SCN7A: variants seen among roughly 807,000 people sequenced by gnomAD.
SCN7A encodes sodium channel protein type 7 subunit alpha.
SCN7A carries 138 observed loss-of-function variants against 155.2 expected under a neutral mutation model. The observed-to-expected ratio is 0.89, with a 90% CI of 0.77 to 1.02. SCN7A has a LOEUF of 1.02. Ranked by LOEUF, SCN7A falls within the 50% of genes least tolerant of loss-of-function variation. The probability of loss-of-function intolerance (pLI) is 0.00; values close to 1 mark genes in which losing one functional copy is unlikely to be tolerated. For missense variants in SCN7A, 2,058 were observed against 1,986.6 expected, an observed-to-expected ratio of 1.04 and a Z score of -0.68; for synonymous variants, 693 against 649.0, an observed-to-expected ratio of 1.07 and a Z score of -1.03.
chr2:166,428,018 G>T, intron 17 of SCN7A, 76 bp from the exon 18 acceptor site: 1 of 1,342,084 alleles, frequency 7.5e-7, no homozygotes, highest in Admixed American at 2.0e-5. Flanking sequence ...TTTCTACTAT[G>T]TGCCACAGCA....
intron 7 of SCN7A, among the ~76,000 whole-genome samples, chr2:166,466,295 C>T (rs1288503269): frequency 6.6e-6 from 1 of 151,988 alleles, no homozygotes; most frequent in Middle Eastern, 3.2e-3. Context: ...ATACTAACCT[C>T]CAGTGTTTGC....
chr2:166,425,984 G>T (rs1701614951), intron 18 of SCN7A, among the ~76,000 whole-genome samples: 1 of 152,010 alleles, frequency 6.6e-6, no homozygotes, highest in East Asian at 1.9e-4. Context: ...AGCACCACAG[G>T]AGTTAACATC....
chr2:166,439,055 G>GTGTGTGTGTATATATATATATA (rs375208870), intron 15 of SCN7A, among the ~76,000 whole-genome samples: 3 of 113,412 alleles, frequency 2.6e-5, no homozygotes, highest in African/African-American at 1.1e-4. Context: ...GTGTGTGTGT[G>GTGTGTGTGTATATATATATATA]TATATATATA....
chr2:166,405,351 A>C lies in SCN7A; in HGVS notation c.*229T>G, dbSNP rs1701044028. ...GAGAAAACAAATATGAGATTGTCAA[A>C]TGGCCACTTTAACCCACTTTAAACT... On this transcript the variant is annotated 3_prime_UTR_variant, in exon 26 of 26. Transcript: ENST00000643258. The C allele has an allele frequency of 4.4e-6, 2 of 452,704 alleles. No individual in the cohort carries two copies. The highest frequency in any genetic ancestry group is 7.7e-6 in the Non-Finnish European group (2 of 259,482). 28.0% of individuals were successfully genotyped at this position (452,704 alleles called of 1,614,324 possible).
In SCN7A at chr2:166,405,845, AC is replaced by A; in HGVS notation, c.4783del (p.Val1595LeufsTer5). 6.2e-7 allele frequency: 1 copy of A among 1,613,142 alleles called. No individual in the cohort carries two copies. Among genetic ancestry groups the A allele is most frequent in the East Asian group, 2.2e-5 (1 of 44,840 alleles). ...AAACCCTGATTCTATTTCTGAAACA[AC>A]TTTCTCCATCCTCACATCTTGACCC... Reference protein sequence around the residue: ...VMGQDVRMEKVVSEIESGFLL... With the variant: ...VMGQDVRMEKXVSEIESGFLL... On this transcript the variant is annotated frameshift_variant, in exon 26 of 26. Transcript: ENST00000643258. LOFTEE classifies it low-confidence loss of function (END_TRUNC).
intron 22 of SCN7A, 96 bp from the exon 23 acceptor site, chr2:166,412,763 TG>T: frequency 2.8e-6 from 4 of 1,413,930 alleles, no homozygotes; most frequent in South Asian, 3.2e-5. Flanking sequence ...AAACAAGCAT[TG>T]TTATGCTACC....
chr2:166,455,580 A>C (rs996443917), intron 11 of SCN7A, among the ~76,000 whole-genome samples: 1 of 152,038 alleles, frequency 6.6e-6, no homozygotes, highest in Non-Finnish European at 1.5e-5. Flanking sequence ...GGGCTGAAAA[A>C]CTGCTTGTTG....
intron 10 of SCN7A, among the ~76,000 whole-genome samples, chr2:166,458,501 A>G (rs1012861297): frequency 1.3e-5 from 2 of 152,192 alleles, no homozygotes; most frequent in East Asian, 1.9e-4. Flanking sequence ...TATGAACAAT[A>G]TAGTGTAACA....
chr2:166,450,054 G>A (rs1702144290), intron 11 of SCN7A, among the ~76,000 whole-genome samples: 1 of 152,090 alleles, frequency 6.6e-6, no homozygotes, highest in African/African-American at 2.4e-5. Context: ...GCAAGGACAA[G>A]GGATCAATCC....
intron 23 of SCN7A, 148 bp from the exon 24 acceptor site, chr2:166,410,472 G>T: frequency 1.7e-6 from 1 of 583,704 alleles, no homozygotes; most frequent in South Asian, 2.5e-5. Context: ...GTTTGAACAT[G>T]TCTGACTTTC....
intron 1 of SCN7A, among the ~76,000 whole-genome samples, chr2:166,491,917 G>A (rs1475272505): frequency 6.6e-6 from 1 of 152,036 alleles, no homozygotes; most frequent in Non-Finnish European, 1.5e-5. Context: ...TAGATGGTGA[G>A]TCAATCTCTG....
At chr2:166,435,825 G>A (rs1701827845) in intron 15 of SCN7A, among the ~76,000 whole-genome samples, 1 of 151,558 alleles carries the variant, frequency 6.6e-6, no homozygotes, top group African/African-American at 2.4e-5. Context: ...CTCAGTGTTT[G>A]GTTTATGTAA....
At position 166,406,107 on chromosome 2, in the gene SCN7A, T is replaced by C; in HGVS notation, c.4522A>G (p.Lys1508Glu). 6.2e-7 allele frequency: 1 copy of C among 1,612,192 alleles called. No individual in the cohort carries two copies. The highest frequency in any genetic ancestry group is 8.5e-7 in the Non-Finnish European group (1 of 1,178,952). Residue 1508 changes from lysine to glutamate, a missense_variant, in exon 26 of 26, where the codon AAG (lysine) becomes GAG (glutamate). Coordinates refer to ENST00000643258, the MANE Select transcript of SCN7A (RefSeq NM_002976.4). ...CTAAAATCATCTTCACTCAAGGTCT[T>C]GTTTTTCTTCTTAGAAGCAATATTT... ...FLNIASKKKN[K>E]TLSEDDFRKF...
At chr2:166,412,948 G>T in intron 22 of SCN7A, 120 bp downstream of exon 22, 1 of 880,140 alleles carries the variant, frequency 1.1e-6, no homozygotes. Flanking sequence ...CATTGCCAAT[G>T]AAATATCCAA....
At chr2:166,443,063 C>A (rs951122909) in intron 14 of SCN7A, among the ~76,000 whole-genome samples, 3 of 152,080 alleles carry the variant, frequency 2.0e-5, no homozygotes, top group African/African-American at 7.2e-5. Flanking sequence ...CTCACCATTA[C>A]CCTACCCCAT....
intron 25 of SCN7A, among the ~76,000 whole-genome samples, chr2:166,408,152 T>C (rs752639359): frequency 3.3e-5 from 5 of 152,016 alleles, no homozygotes; most frequent in Admixed American, 6.6e-5. Flanking sequence ...TGATTTCTGG[T>C]CACTTTTCCT....
At chr2:166,452,917 C>A (rs6734499) in intron 11 of SCN7A, among the ~76,000 whole-genome samples, 4 of 152,002 alleles carry the variant, frequency 2.6e-5, no homozygotes, top group Non-Finnish European at 5.9e-5. Context: ...TGACTGCTAT[C>A]GTCATTTTTA....
At chr2:166,475,095 C>CGTATATATGTATATATATATATATAT (rs1559125101) in intron 3 of SCN7A, among the ~76,000 whole-genome samples, 8 of 84,476 alleles carry the variant, frequency 9.5e-5, no homozygotes, top group Non-Finnish European at 1.5e-4. Flanking sequence ...TATATATACA[C>CGTATATATGTATATATATATATATAT]ATATATATGT....
chr2:166,445,111 T>A (rs1206686980), intron 12 of SCN7A, 111 bp from the exon 13 acceptor site: 2 of 648,786 alleles, frequency 3.1e-6, no homozygotes, highest in Non-Finnish European at 5.4e-6. Context: ...AGTTCAGGAG[T>A]TCGAGACCAG....
Sources: allele counts gnomAD v4.1 joint callset (sites outside exome capture counted in the v4.1 genomes callset), GRCh38; gene constraint gnomAD v4.1.1; transcripts MANE v1.5; gene names NCBI Gene and HGNC (gene_info 2026-07-23, HGNC 2026-07-21).